Variants in RIMBP2 observed in about 807,000 individuals in gnomAD.
RIMBP2 encodes the protein RIMS binding protein 2.
A neutral mutation model predicts 118.6 loss-of-function variants in RIMBP2; 48 were observed. That is an observed-to-expected ratio of 0.40 (90% CI 0.32 to 0.51). The LOEUF (loss-of-function observed/expected upper bound fraction) is 0.51. Ranked by LOEUF, RIMBP2 falls within the 20% of genes least tolerant of loss-of-function variation. The probability of loss-of-function intolerance (pLI) is 0.41; values close to 1 mark genes in which losing one functional copy is unlikely to be tolerated. For missense variants in RIMBP2, 1,551 were observed against 1,768.3 expected (o/e 0.88, Z 2.20); for synonymous variants, 762 against 742.9 (o/e 1.03, Z -0.42).
intron 1 of RIMBP2, among the ~76,000 whole-genome samples, chr12:130,690,308 T>C (rs1317744223): frequency 3.9e-5 from 6 of 152,022 alleles, no homozygotes; most frequent in African/African-American, 1.4e-4. Context: ...GCTCCAGAGA[T>C]TGGGGCAGGG....
intron 11 of RIMBP2, among the ~76,000 whole-genome samples, chr12:130,439,623 G>C: frequency 8.7e-6 from 1 of 115,296 alleles, no homozygotes; most frequent in Non-Finnish European, 1.8e-5. Flanking sequence ...ATGTGGGTGT[G>C]TGGGGGTGTC....
chr12:130,558,589 G>A (rs928105154), intron 2 of RIMBP2, among the ~76,000 whole-genome samples: 1 of 152,192 alleles, frequency 6.6e-6, no homozygotes, highest in Non-Finnish European at 1.5e-5. Flanking sequence ...TGTTAGGTCA[G>A]CAGGGAGAGC....
At chr12:130,504,126 T>C (rs2050078065) in intron 4 of RIMBP2, among the ~76,000 whole-genome samples, 2 of 152,202 alleles carry the variant, frequency 1.3e-5, no homozygotes, top group South Asian at 4.1e-4. Context: ...TTCAGTCTTT[T>C]CTATTTCACT....
At chr12:130,566,607 G>A (rs567883417) in intron 2 of RIMBP2, among the ~76,000 whole-genome samples, 30 of 152,280 alleles carry the variant, frequency 2.0e-4, no homozygotes, top group Middle Eastern at 3.4e-3. Flanking sequence ...GCCAGCAACC[G>A]CACCAGACAA....
At chr12:130,691,170 G>A (rs1382736351) in intron 1 of RIMBP2, among the ~76,000 whole-genome samples, 1 of 152,144 alleles carries the variant, frequency 6.6e-6, no homozygotes. Context: ...CCTCTCCAGT[G>A]CCCTTGTTTT....
intron 2 of RIMBP2, among the ~76,000 whole-genome samples, chr12:130,554,477 A>G (rs1057450816): frequency 6.6e-6 from 1 of 152,192 alleles, no homozygotes; most frequent in East Asian, 1.9e-4. Context: ...TGGATACAAT[A>G]TACGGCCCTC....
chr12:130,489,736 C>T (rs963229564), intron 4 of RIMBP2, among the ~76,000 whole-genome samples: 22 of 152,198 alleles, frequency 1.4e-4, no homozygotes, highest in African/African-American at 5.1e-4. Flanking sequence ...ATTAATGTCC[C>T]TCCATTTGAA....
chr12:130,412,621 A>G lies in RIMBP2; in HGVS notation c.3587T>C (p.Ile1196Thr), dbSNP rs1234915419. The G allele has an allele frequency of 5.0e-6, 8 of 1,613,252 alleles. No individual in the cohort carries two copies. The highest frequency in any genetic ancestry group is 2.7e-5 in the African/African-American group (2 of 74,798). Residue 1196 changes from isoleucine (I) to threonine (T), a missense_variant and splice_region_variant, in exon 19 of 23, where the codon ATA becomes ACA. By Grantham distance (89) the Ile-to-Thr change is moderately conservative (BLOSUM62 -1). This residue lies in a region of RIMBP2 where 1,038 missense variants were observed against 1,125.1 expected (regional missense o/e 0.92). Transcript: ENST00000690449. ...GTCGAATAGGGGTTTGCGCTTACCT[A>G]TTTTCTCCACAGGTGTATTCAGAGG... ...FLPLNTPVEK[I>T]ERSRRSGRRH...
chr12:130,709,336 G>A (rs956664301), intron 1 of RIMBP2, among the ~76,000 whole-genome samples: 2 of 152,172 alleles, frequency 1.3e-5, no homozygotes, highest in Non-Finnish European at 2.9e-5. Context: ...TCAGCCACTC[G>A]CTGGGCACTG....
chr12:130,512,053 G>A (rs1374184200), intron 3 of RIMBP2, among the ~76,000 whole-genome samples: 1 of 152,216 alleles, frequency 6.6e-6, no homozygotes, highest in Non-Finnish European at 1.5e-5. Flanking sequence ...AGCAGCCGCT[G>A]ATCCCACCTG....
intron 2 of RIMBP2, among the ~76,000 whole-genome samples, chr12:130,530,005 G>A (rs2053206353): frequency 6.6e-6 from 1 of 152,162 alleles, no homozygotes; most frequent in African/African-American, 2.4e-5. Flanking sequence ...CCCAGGGGTT[G>A]GTGACCCACA....
chr12:130,573,176 T>C (rs2057816808), intron 2 of RIMBP2, among the ~76,000 whole-genome samples: 1 of 152,112 alleles, frequency 6.6e-6, no homozygotes, highest in Non-Finnish European at 1.5e-5. Context: ...TATATATGTA[T>C]TTATTCTATG....
At chr12:130,609,678 T>A (rs2060392750) in intron 2 of RIMBP2, among the ~76,000 whole-genome samples, 1 of 152,134 alleles carries the variant, frequency 6.6e-6, no homozygotes, top group Non-Finnish European at 1.5e-5. Flanking sequence ...GAGCCAGGAA[T>A]ACTGATGGTG....
intron 2 of RIMBP2, 72 bp from the exon 3 acceptor site, chr12:130,517,989 G>A: frequency 1.9e-6 from 1 of 536,716 alleles, no homozygotes; most frequent in Non-Finnish European, 2.4e-6. Context: ...CAGTGGTTAG[G>A]AGCTCCAATG....
At chr12:130,439,675 G>T (rs1386368044) in intron 11 of RIMBP2, among the ~76,000 whole-genome samples, 1 of 109,628 alleles carries the variant, frequency 9.1e-6, no homozygotes, top group African/African-American at 3.6e-5. Context: ...TGTGTGGGGG[G>T]TGTATGTGTT....
intron 5 of RIMBP2, among the ~76,000 whole-genome samples, chr12:130,476,381 A>G (rs1307357085): frequency 2.6e-5 from 4 of 152,182 alleles, no homozygotes; most frequent in African/African-American, 9.7e-5. Flanking sequence ...TGGAGAGTCC[A>G]AAGACGACTG....
At chr12:130,698,171 G>T (rs1430426297) in intron 1 of RIMBP2, among the ~76,000 whole-genome samples, 3 of 152,156 alleles carry the variant, frequency 2.0e-5, no homozygotes, top group Non-Finnish European at 4.4e-5. Context: ...AGACCCCAGA[G>T]ATAAAGACTT....
intron 11 of RIMBP2, among the ~76,000 whole-genome samples, chr12:130,441,005 AG>A (rs1322646993): frequency 1.3e-5 from 2 of 152,206 alleles, no homozygotes; most frequent in Non-Finnish European, 2.9e-5. Flanking sequence ...CAGGAAAGGA[AG>A]GGGGCACATC....
chr12:130,545,592 C>G (rs1481210618), intron 2 of RIMBP2, among the ~76,000 whole-genome samples: 1 of 152,190 alleles, frequency 6.6e-6, no homozygotes, highest in African/African-American at 2.4e-5. Context: ...GCCTCACACT[C>G]AAGGCTGACA....
Sources: gnomAD v4.1 joint callset for allele counts (sites outside exome capture counted in the v4.1 genomes callset) on GRCh38, gnomAD v4.1.1 for gene constraint, gnomAD v4.1.1 regional missense constraint, MANE v1.5 for transcripts, NCBI Gene and HGNC (gene_info 2026-07-23, HGNC 2026-07-21) for gene names.